ASTN2: variants seen among roughly 807,000 people sequenced by gnomAD.
The protein encoded by ASTN2 is astrotactin-2.
Under a neutral mutation model 139.8 loss-of-function variants are expected in ASTN2, and 54 were observed. That is an observed-to-expected ratio of 0.39 (90% CI 0.31 to 0.48). The LOEUF is 0.48. Among genes scored for constraint, ASTN2 ranks in the 20% least tolerant of loss-of-function variants. The probability of loss-of-function intolerance (pLI) is 0.95; values close to 1 mark genes in which losing one functional copy is unlikely to be tolerated. For missense variants in ASTN2, 1,565 were observed against 1,725.1 expected (o/e 0.91, Z 1.64); for synonymous variants, 756 against 719.5 (o/e 1.05, Z -0.81).
At chr9:116,509,109 T>G (rs1453525604) in intron 19 of ASTN2, among the ~76,000 whole-genome samples, 1 of 152,190 alleles carries the variant, frequency 6.6e-6, no homozygotes, top group Non-Finnish European at 1.5e-5. Context: ...GCTGCACCCA[T>G]TAACTCGTCA....
At chr9:116,958,381 G>A (rs1835780291) in intron 10 of ASTN2, among the ~76,000 whole-genome samples, 1 of 152,092 alleles carries the variant, frequency 6.6e-6, no homozygotes, top group Non-Finnish European at 1.5e-5. Context: ...ACAAGGTCAG[G>A]AGATTGAGAC....
At chr9:117,301,930 T>A (rs886457815) in intron 1 of ASTN2, among the ~76,000 whole-genome samples, 1 of 152,078 alleles carries the variant, frequency 6.6e-6, no homozygotes, top group Non-Finnish European at 1.5e-5. Flanking sequence ...ATCAATCTCT[T>A]ATGATAGCTG....
At chr9:117,238,057 C>A (rs1346493926) in intron 2 of ASTN2, among the ~76,000 whole-genome samples, 1 of 152,138 alleles carries the variant, frequency 6.6e-6, no homozygotes, top group Non-Finnish European at 1.5e-5. Flanking sequence ...CAGTGAAATC[C>A]ACCATCTCAT....
chr9:116,906,823 C>A (rs572076163), intron 10 of ASTN2, among the ~76,000 whole-genome samples: 1 of 151,892 alleles, frequency 6.6e-6, no homozygotes, highest in African/African-American at 2.4e-5. Flanking sequence ...AGCAAAATAC[C>A]GCAATTACTT....
At chr9:117,413,816 T>A (rs1284539961) in intron 1 of ASTN2, among the ~76,000 whole-genome samples, 1 of 152,050 alleles carries the variant, frequency 6.6e-6, no homozygotes, top group Non-Finnish European at 1.5e-5. Flanking sequence ...GGGAAGGCGG[T>A]AACGGGGGTA....
intron 13 of ASTN2, among the ~76,000 whole-genome samples, chr9:116,766,836 C>T (rs745821187): frequency 6.6e-6 from 1 of 151,762 alleles, no homozygotes; most frequent in Non-Finnish European, 1.5e-5. Flanking sequence ...ACAGTCACCT[C>T]ACACACAAAC....
At chr9:116,463,561 C>T (rs1014426199) in intron 20 of ASTN2, among the ~76,000 whole-genome samples, 1 of 152,168 alleles carries the variant, frequency 6.6e-6, no homozygotes, top group Admixed American at 6.5e-5. Flanking sequence ...GCCTATAATG[C>T]CTGTCACCTC....
intron 10 of ASTN2, among the ~76,000 whole-genome samples, chr9:116,894,317 TA>T (rs1833833536): frequency 1.3e-5 from 2 of 151,912 alleles, no homozygotes; most frequent in South Asian, 2.1e-4. Context: ...AGTACCTATT[TA>T]AAAAAAAGTC....
intron 19 of ASTN2, among the ~76,000 whole-genome samples, chr9:116,554,622 AAG>A (rs1852514591): frequency 6.6e-6 from 1 of 152,264 alleles, no homozygotes; most frequent in Non-Finnish European, 1.5e-5. Flanking sequence ...CCTTTTTTAG[AAG>A]AGAGAGACCA....
chr9:116,605,336 T>C (rs1855137038), intron 19 of ASTN2, among the ~76,000 whole-genome samples: 1 of 151,858 alleles, frequency 6.6e-6, no homozygotes, highest in African/African-American at 2.4e-5. Context: ...CCTCTGTGAG[T>C]GCCAACAGAG....
At chr9:116,903,264 C>T (rs140721939) in intron 10 of ASTN2, among the ~76,000 whole-genome samples, 4 of 152,206 alleles carry the variant, frequency 2.6e-5, no homozygotes, top group Non-Finnish European at 5.9e-5. Flanking sequence ...CTCGAATCTA[C>T]TGTATAATTT....
At chr9:116,975,414 T>C in intron 9 of ASTN2, 69 bp from the exon 10 acceptor site, 1 of 1,460,670 alleles carries the variant, frequency 6.8e-7, no homozygotes, top group Non-Finnish European at 9.1e-7. Context: ...AAGGGGCCCC[T>C]GTTCCCATCC....
chr9:117,339,906 C>CA (rs34679364), intron 1 of ASTN2, among the ~76,000 whole-genome samples: 6,692 of 86,950 alleles, frequency 0.077, 166 homozygotes, highest in Middle Eastern at 0.11. Context: ...GTCTCTTTTA[C>CA]AAAAAAAAAA....
chr9:116,490,271 G>GAAAAAAAAAAAAAAAAAAAAAAAAAAA (rs1564314339), intron 19 of ASTN2, among the ~76,000 whole-genome samples: 1 of 2,316 alleles, frequency 4.3e-4, no homozygotes, highest in Non-Finnish European at 9.0e-4. Context: ...GTGATAAAAA[G>GAAAAAAAAAAAAAAAAAAAAAAAAAAA]TAAAAAAAAA....
intron 1 of ASTN2, among the ~76,000 whole-genome samples, chr9:117,404,074 G>A (rs1484665824): frequency 3.3e-5 from 5 of 152,204 alleles, no homozygotes; most frequent in Non-Finnish European, 7.3e-5. Context: ...CCCAAGCTGT[G>A]TGCCAGATGC....
chr9:117,342,114 T>C (rs925987154), intron 1 of ASTN2, among the ~76,000 whole-genome samples: 3 of 152,314 alleles, frequency 2.0e-5, no homozygotes, highest in African/African-American at 7.2e-5. Flanking sequence ...TGTCATGTAT[T>C]ACAAAGCAGC....
intron 2 of ASTN2, among the ~76,000 whole-genome samples, chr9:117,284,856 T>C (rs1454335862): frequency 6.6e-6 from 1 of 152,218 alleles, no homozygotes; most frequent in Non-Finnish European, 1.5e-5. Context: ...ACCAAGTCAG[T>C]TATGGAGCCA....
chr9:116,957,816 G>T (rs1393495184), intron 10 of ASTN2, among the ~76,000 whole-genome samples: 1 of 152,176 alleles, frequency 6.6e-6, no homozygotes, highest in African/African-American at 2.4e-5. Flanking sequence ...GAGTAGCTAG[G>T]ACTACAGGCA....
rs974058742 is a variant in ASTN2 at position 116,423,369 on chromosome 9, C to T, written c.*2482G>A. 2.0e-5 allele frequency among the ~76,000 whole-genome samples: 3 copies of T among 152,200 alleles called. No individual in the cohort carries two copies. The highest frequency in any genetic ancestry group is 4.4e-5 in the Non-Finnish European group (3 of 68,034). The stretch of plus-strand genomic sequence containing the variant: ...ATGAGAAACCTGATGTCAAGTTACT[C>T]CCTTAAGGGCAATAGCTGGTGAATA... On this transcript the variant is annotated 3_prime_UTR_variant, in exon 23 of 23. Coordinates refer to ENST00000313400, the MANE Select transcript of ASTN2 (RefSeq NM_001365068.1).
Sources: gnomAD v4.1 joint callset for allele counts (sites outside exome capture counted in the v4.1 genomes callset) on GRCh38, gnomAD v4.1.1 for gene constraint, MANE v1.5 for transcripts, NCBI Gene and HGNC (gene_info 2026-07-23, HGNC 2026-07-21) for gene names.